Variants in LRRC4C observed in about 807,000 individuals in gnomAD.
LRRC4C encodes leucine-rich repeat-containing protein 4C.
A neutral mutation model predicts 33.6 loss-of-function variants in LRRC4C; 5 were observed. The ratio of observed to expected loss-of-function variants is 0.15; its 90% CI spans 0.08 to 0.31. LRRC4C has a LOEUF of 0.31. LRRC4C is among the 10% of genes least tolerant of loss of function. The pLI is 1.00. For missense variants in LRRC4C, 560 were observed against 796.7 expected, an observed-to-expected ratio of 0.70 and a Z score of 3.58; for synonymous variants, 329 against 302.0, an observed-to-expected ratio of 1.09 and a Z score of -0.93.
chr11:40,998,251 T>C (rs1451953083), intron 1 of LRRC4C, among the ~76,000 whole-genome samples: 1 of 99,848 alleles, frequency 1.0e-5, no homozygotes, highest in Non-Finnish European at 2.2e-5. Context: ...TGCACATGTA[T>C]CCCAGAACTT....
chr11:40,119,600 T>C (rs974622352), intron 6 of LRRC4C, among the ~76,000 whole-genome samples: 1 of 152,190 alleles, frequency 6.6e-6, no homozygotes, highest in Non-Finnish European at 1.5e-5. Context: ...GAAAAATGTA[T>C]GACAAAGCAA....
intron 3 of LRRC4C, among the ~76,000 whole-genome samples, chr11:40,568,219 C>T (rs906801554): frequency 9.2e-5 from 14 of 152,156 alleles, no homozygotes; most frequent in African/African-American, 3.4e-4. Context: ...AAGCAAAGTG[C>T]CATGCTGTGA....
chr11:40,952,125 G>A (rs1466426697), intron 1 of LRRC4C, among the ~76,000 whole-genome samples: 2 of 151,764 alleles, frequency 1.3e-5, no homozygotes, highest in East Asian at 3.9e-4. Context: ...ATCTTACAAG[G>A]TGAACATTAT....
chr11:40,188,524 G>A (rs1428670894), intron 5 of LRRC4C, among the ~76,000 whole-genome samples: 1 of 152,038 alleles, frequency 6.6e-6, no homozygotes. Context: ...TTTCTACCTT[G>A]CATGTTTCTA....
chr11:40,841,643 A>G (rs1294979433), intron 2 of LRRC4C, among the ~76,000 whole-genome samples: 1 of 152,222 alleles, frequency 6.6e-6, no homozygotes, highest in African/African-American at 2.4e-5. Context: ...ATGGACTTCC[A>G]GCCTCCAGAA....
intron 1 of LRRC4C, among the ~76,000 whole-genome samples, chr11:41,315,476 C>T (rs367867192): frequency 1.3e-5 from 2 of 152,250 alleles, no homozygotes; most frequent in South Asian, 4.2e-4. Flanking sequence ...ATAGCTCTAT[C>T]AAGAGACTCT....
intron 1 of LRRC4C, among the ~76,000 whole-genome samples, chr11:41,409,828 G>C (rs989284673): frequency 6.6e-6 from 1 of 151,940 alleles, no homozygotes; most frequent in Non-Finnish European, 1.5e-5. Context: ...CCAAAAAATT[G>C]CGAAAAAAAA....
chr11:41,058,212 C>T (rs376885240), intron 1 of LRRC4C, among the ~76,000 whole-genome samples: 1 of 149,480 alleles, frequency 6.7e-6, no homozygotes, highest in East Asian at 2.0e-4. Flanking sequence ...TGACTCCCCC[C>T]TTTGGGGCCT....
At chr11:40,825,069 T>A (rs1952101118) in intron 2 of LRRC4C, among the ~76,000 whole-genome samples, 1 of 151,918 alleles carries the variant, frequency 6.6e-6, no homozygotes, top group Admixed American at 6.6e-5. Flanking sequence ...GTGCTTCCAC[T>A]TACATTAGCT....
At chr11:41,196,554 T>C (rs867396855) in intron 1 of LRRC4C, among the ~76,000 whole-genome samples, 4 of 152,116 alleles carry the variant, frequency 2.6e-5, no homozygotes, top group Admixed American at 6.6e-5. Flanking sequence ...TGATCACTGA[T>C]AGTTACCAAA....
chr11:40,892,514 CA>C (rs1301801464), intron 2 of LRRC4C, among the ~76,000 whole-genome samples: 1 of 151,806 alleles, frequency 6.6e-6, no homozygotes, highest in Non-Finnish European at 1.5e-5. Context: ...ATGGTATTTG[CA>C]ATAGCCAAAA....
chr11:41,262,937 C>A (rs1949030441), intron 1 of LRRC4C, among the ~76,000 whole-genome samples: 1 of 152,084 alleles, frequency 6.6e-6, no homozygotes, highest in East Asian at 1.9e-4. Flanking sequence ...TGTTCAATTG[C>A]TTTCATATCA....
chr11:40,616,391 C>T (rs1961832127), intron 3 of LRRC4C, among the ~76,000 whole-genome samples: 1 of 151,896 alleles, frequency 6.6e-6, no homozygotes, highest in African/African-American at 2.4e-5. Flanking sequence ...ACCATTTGAC[C>T]CAGCAAGCCT....
chr11:41,420,044 C>A (rs1954822043), intron 1 of LRRC4C, among the ~76,000 whole-genome samples: 1 of 151,810 alleles, frequency 6.6e-6, no homozygotes, highest in Admixed American at 6.6e-5. Context: ...AGTGCTTTTT[C>A]TTCTCGGGGA....
At chr11:40,415,574 C>A (rs1389728902) in intron 3 of LRRC4C, among the ~76,000 whole-genome samples, 3 of 152,098 alleles carry the variant, frequency 2.0e-5, no homozygotes. Flanking sequence ...GCCTTAGAGG[C>A]AACACCTTAT....
intron 5 of LRRC4C, among the ~76,000 whole-genome samples, chr11:40,215,850 A>T (rs1264617556): frequency 6.6e-6 from 1 of 152,144 alleles, no homozygotes; most frequent in African/African-American, 2.4e-5. Flanking sequence ...AGAAGGCAAA[A>T]AGCCTAAGGA....
chr11:40,413,605 G>T (rs1950225623), intron 3 of LRRC4C, among the ~76,000 whole-genome samples: 1 of 152,022 alleles, frequency 6.6e-6, no homozygotes, highest in South Asian at 2.1e-4. Flanking sequence ...ATTATGTGTG[G>T]AATATCAGCT....
Position 40,820,648 on chromosome 11 carries a change from T to C in LRRC4C, c.-407+112987A>G, listed in dbSNP as rs74325445. 6.9e-3 allele frequency among the ~76,000 whole-genome samples: 1,053 copies of C among 152,048 alleles called. 22 individuals are homozygous for C. Among genetic ancestry groups the C allele is most frequent in the East Asian group, 0.049 (255 of 5,180 alleles). ...GCATTTAACAATATCTAACATTTATTCATTTTAAAAATTATCAGAAAACTA... is the reference window on the plus strand; with the variant it reads ...GCATTTAACAATATCTAACATTTATCCATTTTAAAAATTATCAGAAAACTA... On this transcript the variant is annotated intron_variant, in intron 2 of 6. Transcript: ENST00000528697.
chr11:40,333,979 T>C (rs1449552350), intron 3 of LRRC4C, among the ~76,000 whole-genome samples: 4 of 152,116 alleles, frequency 2.6e-5, no homozygotes, highest in African/African-American at 9.7e-5. Flanking sequence ...ACCCCAATTA[T>C]CTTAGTGCTT....
Sources: allele counts gnomAD v4.1 joint callset (sites outside exome capture counted in the v4.1 genomes callset), GRCh38; gene constraint gnomAD v4.1.1; transcripts MANE v1.5; gene names NCBI Gene and HGNC (gene_info 2026-07-23, HGNC 2026-07-21).